BBS9: variants seen among roughly 807,000 people sequenced by gnomAD.
The protein encoded by BBS9 is protein PTHB1.
Under a neutral mutation model 117.7 loss-of-function variants are expected in BBS9, and 89 were observed. That is an observed-to-expected ratio of 0.76 (90% CI 0.64 to 0.90). The LOEUF (loss-of-function observed/expected upper bound fraction) is 0.90. Among genes scored for constraint, BBS9 ranks in the 40% least tolerant of loss-of-function variants. BBS9 has a pLI of 0.00. For missense variants in BBS9, 982 were observed against 1,042.2 expected (o/e 0.94, Z 0.80); for synonymous variants, 379 against 370.9 (o/e 1.02, Z -0.25).
chr7:33,238,149 C>T (rs1793840285), intron 5 of BBS9, among the ~76,000 whole-genome samples: 1 of 152,174 alleles, frequency 6.6e-6, no homozygotes, highest in South Asian at 2.1e-4. Context: ...AACACATTTG[C>T]CTTCTTGCCA....
Position 33,180,895 on chromosome 7 carries a change from C to CTCACATACCT in BBS9, c.442+3304_442+3305insTCACATACCT, listed in dbSNP as rs144252168. On this transcript the variant is annotated intron_variant, in intron 5 of 22. Coordinates refer to ENST00000242067, the MANE Select transcript of BBS9 (RefSeq NM_198428.3). ...CCTGGGGAAAAGGATCCTCACATAC[C>CTCACATACCT]GTGGCGACCAGGTAACTCTGTGCAC... Among the ~76,000 whole-genome samples, 3,394 of 152,176 alleles carry CTCACATACCT rather than the reference C, an allele frequency of 0.022. 237 individuals carry two copies. The East Asian group carries it at 0.28, about 12-fold the overall frequency.
chr7:33,356,479 C>T (rs757465863), intron 15 of BBS9, among the ~76,000 whole-genome samples: 13 of 151,758 alleles, frequency 8.6e-5, no homozygotes, highest in Non-Finnish European at 1.6e-4. Context: ...TTGTAATTCG[C>T]ATCTAGGATT....
In BBS9 at chr7:33,533,851, C is replaced by T. The variant is rs910965887; in HGVS notation, c.2299-103C>T. 3 of 1,348,580 alleles carry T rather than the reference C, an allele frequency of 2.2e-6. No homozygotes were observed. In the African/African-American group the frequency reaches 4.3e-5, roughly 19 times the overall value. 83.5% of individuals were successfully genotyped at this position (1,348,580 alleles called of 1,614,324 possible). ...CAGATACCACACTCTTCACAGGTTC[C>T]CAACACTTGAACATAAACACTCAAT... On this transcript the variant is annotated intron_variant, in intron 20 of 22. Transcript: ENST00000242067.
At chr7:33,220,300 A>G (rs184934331) in intron 5 of BBS9, among the ~76,000 whole-genome samples, 2 of 152,356 alleles carry the variant, frequency 1.3e-5, no homozygotes, top group African/African-American at 4.8e-5. Flanking sequence ...GCATAGTTAA[A>G]AAAAGGGAGG....
intron 21 of BBS9, among the ~76,000 whole-genome samples, chr7:33,552,621 TC>T (rs1221592351): frequency 6.6e-6 from 1 of 152,178 alleles, no homozygotes; most frequent in Admixed American, 6.5e-5. Context: ...TCTGTGCTAA[TC>T]TGTTTCATTT....
At chr7:33,576,252 T>C (rs1858839365) in intron 21 of BBS9, among the ~76,000 whole-genome samples, 1 of 152,120 alleles carries the variant, frequency 6.6e-6, no homozygotes, top group Admixed American at 6.5e-5. Flanking sequence ...AGCATTCCTA[T>C]ACACCAATAA....
At chr7:33,501,746 G>T (rs1274020019) in intron 19 of BBS9, among the ~76,000 whole-genome samples, 3 of 152,188 alleles carry the variant, frequency 2.0e-5, no homozygotes, top group African/African-American at 7.2e-5. Flanking sequence ...TGCTTAGAGT[G>T]CAGCCTCCAT....
At chr7:33,503,005 GCTTT>G (rs1457089663) in intron 19 of BBS9, among the ~76,000 whole-genome samples, 8 of 151,960 alleles carry the variant, frequency 5.3e-5, no homozygotes, top group African/African-American at 1.9e-4. Flanking sequence ...CTTTTTAGTA[GCTTT>G]CTAAGTAAGA....
At chr7:33,166,188 G>A (rs991829822) in intron 4 of BBS9, among the ~76,000 whole-genome samples, 23 of 152,278 alleles carry the variant, frequency 1.5e-4, no homozygotes, top group African/African-American at 2.9e-4. Flanking sequence ...AGCAAATATC[G>A]CAGAAGAGCA....
intron 20 of BBS9, among the ~76,000 whole-genome samples, chr7:33,525,044 T>C (rs1319000157): frequency 6.6e-6 from 1 of 151,850 alleles, no homozygotes; most frequent in Non-Finnish European, 1.5e-5. Flanking sequence ...TCAGTTTCCA[T>C]GTAGTTGAGC....
intron 20 of BBS9, among the ~76,000 whole-genome samples, chr7:33,522,105 C>T (rs1585111215): frequency 6.6e-6 from 1 of 151,898 alleles, no homozygotes; most frequent in East Asian, 1.9e-4. Flanking sequence ...CATAGTATTC[C>T]ATGGTGTATA....
intron 4 of BBS9, among the ~76,000 whole-genome samples, chr7:33,163,878 G>A (rs1207008424): frequency 6.6e-6 from 1 of 152,054 alleles, no homozygotes; most frequent in African/African-American, 2.4e-5. Flanking sequence ...GCTAGCTTTT[G>A]AATATGTTTT....
chr7:33,455,833 T>C (rs1423078128), intron 19 of BBS9, among the ~76,000 whole-genome samples: 1 of 152,236 alleles, frequency 6.6e-6, no homozygotes, highest in Admixed American at 6.5e-5. Context: ...GAGCTGTTAA[T>C]GATAAGTGGT....
At chr7:33,220,047 G>GT (rs1789938187) in intron 5 of BBS9, among the ~76,000 whole-genome samples, 1 of 152,126 alleles carries the variant, frequency 6.6e-6, no homozygotes, top group African/African-American at 2.4e-5. Flanking sequence ...TTTAAGAACT[G>GT]TAACACTCAC....
At chr7:33,431,135 C>T (rs988752392) in intron 19 of BBS9, among the ~76,000 whole-genome samples, 2 of 150,096 alleles carry the variant, frequency 1.3e-5, no homozygotes, top group African/African-American at 4.9e-5. Flanking sequence ...GCAGAGGTTG[C>T]GTTGAGCCAA....
intron 9 of BBS9, among the ~76,000 whole-genome samples, chr7:33,306,995 A>G (rs1291985588): frequency 6.6e-6 from 1 of 152,180 alleles, no homozygotes; most frequent in Non-Finnish European, 1.5e-5. Context: ...GGTATCTGTG[A>G]GGAATCTTCT....
intron 5 of BBS9, among the ~76,000 whole-genome samples, chr7:33,207,001 T>A (rs1441959003): frequency 1.3e-5 from 2 of 152,194 alleles, no homozygotes; most frequent in African/African-American, 4.8e-5. Flanking sequence ...CTTACTTCCC[T>A]GTGATTAAAT....
In BBS9 at chr7:33,438,599, C is replaced by T. The variant is rs574293353; in HGVS notation, c.2115+50455C>T. On this transcript the variant is annotated intron_variant, in intron 19 of 22. Coordinates refer to ENST00000242067, the MANE Select transcript of BBS9 (RefSeq NM_198428.3). Reference sequence around the variant, plus strand: ...AGAAATTAAAACCCATAGGGAAAATCCATTTCATACATATCAAACTGAAGA... The same window carrying T: ...AGAAATTAAAACCCATAGGGAAAATTCATTTCATACATATCAAACTGAAGA... 2.0e-4 allele frequency among the ~76,000 whole-genome samples: 31 copies of T among 152,234 alleles called. 1 individual carries two copies. The South Asian group carries it at 6.0e-3, about 30-fold the overall frequency.
intron 12 of BBS9, among the ~76,000 whole-genome samples, chr7:33,347,665 A>T (rs1451265399): frequency 6.6e-6 from 1 of 151,978 alleles, no homozygotes; most frequent in Non-Finnish European, 1.5e-5. Context: ...ACTTAAAATT[A>T]ATACATTTAC....
Sources: allele counts gnomAD v4.1 joint callset (sites outside exome capture counted in the v4.1 genomes callset), GRCh38; gene constraint gnomAD v4.1.1; transcripts MANE v1.5; gene names NCBI Gene and HGNC (gene_info 2026-07-23, HGNC 2026-07-21).